FMN2: variants seen among roughly 807,000 people sequenced by gnomAD.
FMN2 encodes formin 2, also known as formin-2.
Under a neutral mutation model 142.3 loss-of-function variants are expected in FMN2, and 51 were observed. The ratio of observed to expected loss-of-function variants is 0.36; its 90% CI spans 0.29 to 0.45. FMN2 has a LOEUF of 0.45. Ranked by LOEUF, FMN2 falls within the 20% of genes least tolerant of loss-of-function variation. The probability of loss-of-function intolerance (pLI) is 1.00; values close to 1 mark genes in which losing one functional copy is unlikely to be tolerated. For missense variants in FMN2, 1,936 were observed against 2,122.8 expected (o/e 0.91, Z 1.73); for synonymous variants, 882 against 869.8 (o/e 1.01, Z -0.25).
At chr1:240,312,858 C>A (rs7545302) in intron 8 of FMN2, among the ~76,000 whole-genome samples, 56,058 of 151,958 alleles carry the variant, frequency 0.37, 12,658 homozygotes, top group African/African-American at 0.65. Flanking sequence ...GATCAGATCG[C>A]TGCCCTACAC....
chr1:240,290,793 G>GTTTTTTTTTTTT (rs761547443), intron 7 of FMN2, among the ~76,000 whole-genome samples: 45 of 84,672 alleles, frequency 5.3e-4, no homozygotes, highest in East Asian at 8.0e-4. Context: ...TTTTTTTTTT[G>GTTTTTTTTTTTT]TTTTTTTTTT....
chr1:240,178,170 C>G (rs890913061), intron 3 of FMN2, 102 bp downstream of exon 3: 1 of 1,273,446 alleles, frequency 7.9e-7, no homozygotes, highest in African/African-American at 1.5e-5. Flanking sequence ...TTTTTAATTG[C>G]ATGGCATTCA....
intron 6 of FMN2, among the ~76,000 whole-genome samples, chr1:240,254,819 A>C (rs933243737): frequency 6.6e-6 from 1 of 152,136 alleles, no homozygotes; most frequent in Non-Finnish European, 1.5e-5. Context: ...GGAGGATATC[A>C]GGGGAGCCCC....
intron 8 of FMN2, among the ~76,000 whole-genome samples, chr1:240,328,230 T>A (rs1320408771): frequency 2.0e-5 from 3 of 148,254 alleles, no homozygotes; most frequent in Non-Finnish European, 4.5e-5. Context: ...ATGACTTAAA[T>A]CATTTAATTA....
Position 240,474,318 on chromosome 1 carries a change from G to A in FMN2, c.*164G>A, listed in dbSNP as rs1676903443. On this transcript the variant is annotated 3_prime_UTR_variant, in exon 18 of 18. Transcript: ENST00000319653. ...AGTTCACTAATTGTTGAATTTTACT[G>A]TATATTCATATAAAAATGCAAACGT... 1 of 613,304 alleles carries A rather than the reference G, an allele frequency of 1.6e-6. No homozygotes were observed. The highest frequency in any genetic ancestry group is 2.7e-6 in the Non-Finnish European group (1 of 373,792). The allele number at this position is 613,304 out of a possible 1,614,324, so 38.0% of individuals were successfully genotyped here. A position where few individuals can be genotyped will look rare whatever the true frequency, so the allele number is the denominator to read the frequency against.
At chr1:240,217,947 G>C (rs375505761) in intron 6 of FMN2, among the ~76,000 whole-genome samples, 127 of 152,270 alleles carry the variant, frequency 8.3e-4, no homozygotes, top group African/African-American at 3.0e-3. Context: ...TAATCATAGT[G>C]TAGATAGTTA....
chr1:240,317,381 C>T (rs777095080), intron 8 of FMN2, among the ~76,000 whole-genome samples: 5 of 152,070 alleles, frequency 3.3e-5, no homozygotes, highest in Non-Finnish European at 5.9e-5. Context: ...CTTGTGCTAC[C>T]CCCTTGTAAT....
intron 4 of FMN2, among the ~76,000 whole-genome samples, chr1:240,204,236 C>T (rs1333151611): frequency 5.3e-5 from 8 of 152,038 alleles, no homozygotes; most frequent in Admixed American, 5.2e-4. Context: ...CATGATTGAC[C>T]TTCAGCAAGT....
At chr1:240,420,499 A>T (rs994639666) in intron 15 of FMN2, among the ~76,000 whole-genome samples, 1 of 152,074 alleles carries the variant, frequency 6.6e-6, no homozygotes, top group African/African-American at 2.4e-5. Flanking sequence ...TCTTCCAGGG[A>T]TGTCTCCTTA....
chr1:240,096,256 T>C (rs573204839), intron 1 of FMN2, among the ~76,000 whole-genome samples: 1 of 152,298 alleles, frequency 6.6e-6, no homozygotes, highest in South Asian at 2.1e-4. Context: ...TTATAAAAAA[T>C]GTGATCAGAT....
intron 11 of FMN2, among the ~76,000 whole-genome samples, chr1:240,332,017 G>A (rs959565393): frequency 1.3e-5 from 2 of 152,050 alleles, no homozygotes; most frequent in East Asian, 1.9e-4. Flanking sequence ...ATCGGGAGTC[G>A]GAGACTGTGT....
chr1:240,145,230 C>G (rs1571980340), intron 2 of FMN2: 1 of 1,462,848 alleles, frequency 6.8e-7, no homozygotes, highest in East Asian at 2.3e-5. Context: ...AGCTGTTTAT[C>G]TTCCTCAGAC....
intron 4 of FMN2, among the ~76,000 whole-genome samples, chr1:240,195,206 C>T (rs1665867770): frequency 6.6e-6 from 1 of 152,164 alleles, no homozygotes. Context: ...AAACACGCTC[C>T]AAGTGGCAAG....
intron 8 of FMN2, among the ~76,000 whole-genome samples, chr1:240,305,601 T>TTA (rs142872292): frequency 0.064 from 9,796 of 152,278 alleles, 404 homozygotes; most frequent in South Asian, 0.12. Flanking sequence ...AATTAAATTA[T>TTA]TAATCTAGTG....
At chr1:240,168,019 C>T (rs1481025340) in intron 2 of FMN2, among the ~76,000 whole-genome samples, 1 of 152,116 alleles carries the variant, frequency 6.6e-6, no homozygotes, top group Non-Finnish European at 1.5e-5. Context: ...CCACCGCACT[C>T]TAGCCTGGGT....
chr1:240,172,593 G>A (rs1470482559), intron 2 of FMN2, among the ~76,000 whole-genome samples: 1 of 151,952 alleles, frequency 6.6e-6, no homozygotes, highest in Non-Finnish European at 1.5e-5. Flanking sequence ...AAAAGACAAG[G>A]GACACATTTT....
intron 4 of FMN2, among the ~76,000 whole-genome samples, chr1:240,191,510 A>C (rs1302905407): frequency 6.6e-6 from 1 of 152,246 alleles, no homozygotes; most frequent in Non-Finnish European, 1.5e-5. Context: ...TTCAAGTAAT[A>C]TGCTCTGAAA....
In FMN2 at chr1:240,208,441, C is replaced by G; in HGVS notation, c.3629C>G (p.Pro1210Arg). ...CCTGGTGCTGGGATTCCCCCACCTC[C>G]TCCCTTGCCAGGTATGGGGATTCCA... ...PLPGAGIPPP[P>R]PLPGMGIPPA... is the part of the protein sequence containing the mutation. Residue 1210 changes from proline (P) to arginine (R), a missense_variant, in exon 5 of 18, where the codon CCT becomes CGT. Pro to Arg is a moderately radical substitution (Grantham distance 103). Coordinates refer to ENST00000319653, the MANE Select transcript of FMN2 (RefSeq NM_020066.5). 6.2e-7 allele frequency: 1 copy of G among 1,607,490 alleles called. No individual in the cohort carries two copies. The highest frequency in any genetic ancestry group is 8.5e-7 in the Non-Finnish European group (1 of 1,176,458).
At chr1:240,294,712 A>T in intron 7 of FMN2, 110 bp from the exon 8 acceptor site, 1 of 919,062 alleles carries the variant, frequency 1.1e-6, no homozygotes, top group Non-Finnish European at 1.8e-6. Flanking sequence ...CATTGAAGTT[A>T]AAGCCCCTGC....
Sources: allele counts gnomAD v4.1 joint callset (sites outside exome capture counted in the v4.1 genomes callset), GRCh38; gene constraint gnomAD v4.1.1; transcripts MANE v1.5; gene names NCBI Gene and HGNC (gene_info 2026-07-23, HGNC 2026-07-21).